The following ADD1 variants were observed in gnomAD, a reference collection of about 807,000 sequenced individuals.
ADD1 encodes the protein alpha-adducin.
A neutral mutation model predicts 80.5 loss-of-function variants in ADD1; 24 were observed. That is an observed-to-expected ratio of 0.30 (90% CI 0.22 to 0.42). The LOEUF is 0.42. Ranked by LOEUF, ADD1 falls within the 10% of genes least tolerant of loss-of-function variation. The pLI is 1.00. For synonymous variants in ADD1, 373 were observed against 393.8 expected (o/e 0.95, Z 0.63); for missense variants, 948 against 1,019.0 (o/e 0.93, Z 0.95).
intron 1 of ADD1, among the ~76,000 whole-genome samples, chr4:2,874,882 T>C (rs776057639): frequency 2.0e-5 from 3 of 152,212 alleles, no homozygotes; most frequent in Non-Finnish European, 4.4e-5. Flanking sequence ...ACTCCAGACC[T>C]AATGAATCTT....
chr4:2,897,153 T>C (rs1305844709), intron 6 of ADD1, among the ~76,000 whole-genome samples: 2 of 152,134 alleles, frequency 1.3e-5, no homozygotes, highest in Non-Finnish European at 2.9e-5. Context: ...TGGTATTGTC[T>C]TTTTAGGTTA....
intron 10 of ADD1, among the ~76,000 whole-genome samples, chr4:2,906,393 CAAAAAA>C (rs111722982): frequency 7.3e-6 from 1 of 137,558 alleles, no homozygotes; most frequent in South Asian, 2.3e-4. Flanking sequence ...CGTTATAAAA[CAAAAAA>C]AAAAAACCCC....
chr4:2,907,687 C>A, intron 10 of ADD1, 56 bp from the exon 11 acceptor site: 1 of 1,380,564 alleles, frequency 7.2e-7, no homozygotes, highest in East Asian at 2.3e-5. Flanking sequence ...AGATTGGATG[C>A]TATGTCACTT....
At chr4:2,861,747 G>A (rs187257384) in intron 1 of ADD1, among the ~76,000 whole-genome samples, 1 of 152,148 alleles carries the variant, frequency 6.6e-6, no homozygotes, top group Non-Finnish European at 1.5e-5. Context: ...AATCTATCTA[G>A]GTGGCTCTAA....
intron 10 of ADD1, chr4:2,905,604 G>GTGT (rs1736918937): frequency 6.1e-6 from 1 of 163,956 alleles, no homozygotes; most frequent in Admixed American, 5.6e-5. Flanking sequence ...CCTGCCCTTA[G>GTGT]TGTTATTCCC....
At chr4:2,899,005 A>G (rs755891463) in intron 8 of ADD1, 2 of 477,494 alleles carry the variant, frequency 4.2e-6, no homozygotes, top group East Asian at 3.8e-5. Context: ...TGAAGTCCCA[A>G]GTCCTTTGTA....
intron 1 of ADD1, among the ~76,000 whole-genome samples, chr4:2,859,030 C>A (rs1171327713): frequency 6.6e-6 from 1 of 152,100 alleles, no homozygotes; most frequent in Non-Finnish European, 1.5e-5. Context: ...AAAGTCAAAA[C>A]CTGCATCATT....
rs541337991 is a variant in ADD1, at chr4:2,885,702, C to T, written c.510+1036C>T. Among the ~76,000 whole-genome samples the T allele has an allele frequency of 1.4e-4, 22 of 151,858 alleles. No homozygotes were observed. In the East Asian group the frequency reaches 2.1e-3, roughly 15 times the overall value. On this transcript the variant is annotated intron_variant, in intron 4 of 15. Coordinates refer to ENST00000683351, the MANE Select transcript of ADD1 (RefSeq NM_001354761.2). Reference sequence around the variant, plus strand: ...TCGGCTCACTGCAAGCTCCGCCTCCCGGGTTCACGCCATTCTCCTGCCTCA... The same window carrying T: ...TCGGCTCACTGCAAGCTCCGCCTCCTGGGTTCACGCCATTCTCCTGCCTCA...
Position 2,862,234 on chromosome 4 carries a change from G to C in ADD1, c.-20-13662G>C, listed in dbSNP as rs553402647. 8.5e-5 allele frequency among the ~76,000 whole-genome samples: 13 copies of C among 152,354 alleles called. 1 individual carries two copies. In the East Asian group the frequency reaches 2.3e-3, roughly 27 times the overall value. On this transcript the variant is annotated intron_variant, in intron 1 of 15. Coordinates refer to ENST00000683351, the MANE Select transcript of ADD1 (RefSeq NM_001354761.2). ...CCTGAAAGTGGGAGCAGCTGTGCCA[G>C]ATGCTGCTGAGAGCTGGTAAAGTGA...
intron 6 of ADD1, among the ~76,000 whole-genome samples, 178 bp downstream of exon 6, chr4:2,894,909 G>A (rs946237828): frequency 6.6e-6 from 1 of 152,050 alleles, no homozygotes; most frequent in Admixed American, 6.5e-5. Context: ...CCTTTTAAGG[G>A]GTCCATATAT....
chr4:2,847,359 C>T (rs114579820), intron 1 of ADD1, among the ~76,000 whole-genome samples: 2,804 of 151,304 alleles, frequency 0.019, 60 homozygotes, highest in African/African-American at 0.047. Context: ...AGGCGGAGGT[C>T]GCAGTGCCAT....
chr4:2,875,563 G>T (rs768406717), intron 1 of ADD1, among the ~76,000 whole-genome samples: 1 of 152,194 alleles, frequency 6.6e-6, no homozygotes, highest in Non-Finnish European at 1.5e-5. Context: ...AACAAATCAT[G>T]TCTGTAAAGA....
chr4:2,851,508 CCTCT>C (rs919408642), intron 1 of ADD1, among the ~76,000 whole-genome samples: 5 of 152,118 alleles, frequency 3.3e-5, no homozygotes, highest in Non-Finnish European at 7.4e-5. Flanking sequence ...TCTGTCTCTC[CCTCT>C]CTCTCAAAAT....
intron 2 of ADD1, among the ~76,000 whole-genome samples, chr4:2,879,946 C>G (rs1193019286): frequency 1.3e-5 from 2 of 152,200 alleles, no homozygotes; most frequent in Non-Finnish European, 2.9e-5. Context: ...AACTCCTGAC[C>G]TCAAGTGATC....
At chr4:2,921,398 GATT>G (rs1363155010) in intron 14 of ADD1, among the ~76,000 whole-genome samples, 1 of 152,202 alleles carries the variant, frequency 6.6e-6, no homozygotes, top group Admixed American at 6.5e-5. Flanking sequence ...AAAGTGCTGG[GATT>G]ACAGGCGTGA....
chr4:2,926,571 C>T lies in ADD1; in HGVS notation c.2047+459C>T. On this transcript the variant is annotated intron_variant, in intron 15 of 15. Coordinates refer to ENST00000683351, the MANE Select transcript of ADD1 (RefSeq NM_001354761.2). This position sits in a 1 kb window ranked among gnomAD's most constrained non-coding sequence, Gnocchi z 5.0. ...GGCCCTGCCTTTCTTCTTCTGTAAC[C>T]TGATGGCTGTGACTGAATGCATAGA... 6.4e-7 allele frequency: 1 copy of T among 1,564,710 alleles called. No homozygotes were observed. Among genetic ancestry groups the T allele is most frequent in the Non-Finnish European group, 8.8e-7 (1 of 1,141,494 alleles).
chr4:2,897,541 C>CTTTTTTT (rs34592055), intron 6 of ADD1, among the ~76,000 whole-genome samples: 3 of 99,156 alleles, frequency 3.0e-5, no homozygotes, highest in African/African-American at 8.0e-5. Flanking sequence ...AAACCTCCTC[C>CTTTTTTT]TTTTTTTTTT....
rs1335969220 is a variant in ADD1, at chr4:2,928,167, C to G, written c.2048-4C>G. On this transcript the variant is annotated splice_polypyrimidine_tract_variant and splice_region_variant and intron_variant, in intron 15 of 15. Transcript: ENST00000683351. ...TTAATCCCATCTCTCACCTCACCCA[C>G]TAGACCTTGTGCCGGAGCCGACTAC... 1.2e-6 allele frequency: 2 copies of G among 1,613,826 alleles called. No individual in the cohort carries two copies. The highest frequency in any genetic ancestry group is 1.3e-5 in the African/African-American group (1 of 74,920).
chr4:2,877,001 CAAAA>C (rs397879163), intron 2 of ADD1, among the ~76,000 whole-genome samples: 2 of 118,140 alleles, frequency 1.7e-5, no homozygotes, highest in African/African-American at 3.1e-5. Context: ...GACTCTGTCT[CAAAA>C]AAAAAAAAAA....
Sources: gnomAD v4.1 joint callset for allele counts (sites outside exome capture counted in the v4.1 genomes callset) on GRCh38, gnomAD v4.1.1 for gene constraint, Gnocchi (gnomAD v3.1) non-coding constraint, MANE v1.5 for transcripts, NCBI Gene and HGNC (gene_info 2026-07-23, HGNC 2026-07-21) for gene names.